The following KLHL2 variants were observed in gnomAD, a reference collection of about 807,000 sequenced individuals.
The protein encoded by KLHL2 is kelch like family member 2.
A neutral mutation model predicts 75.8 loss-of-function variants in KLHL2; 15 were observed. The ratio of observed to expected loss-of-function variants is 0.20; its 90% CI spans 0.13 to 0.30. The LOEUF is 0.30. KLHL2 is among the 10% of genes least tolerant of loss of function. KLHL2 has a pLI of 1.00. For missense variants in KLHL2, 381 were observed against 741.0 expected, an observed-to-expected ratio of 0.51 and a Z score of 5.64; for synonymous variants, 214 against 251.9, an observed-to-expected ratio of 0.85 and a Z score of 1.42.
chr4:165,208,859 G>A (rs528112403), intron 1 of KLHL2, among the ~76,000 whole-genome samples: 2 of 152,218 alleles, frequency 1.3e-5, no homozygotes, highest in South Asian at 2.1e-4. Context: ...GAGGCTTGTC[G>A]TTCTCCGGTC....
intron 4 of KLHL2, among the ~76,000 whole-genome samples, chr4:165,248,047 C>T (rs1036335283): frequency 3.9e-5 from 6 of 152,266 alleles, no homozygotes; most frequent in South Asian, 2.1e-4. Context: ...TTTATTCTTA[C>T]GGATTTGCAG....
At chr4:165,274,934 TTC>T (rs148239192) in intron 5 of KLHL2, among the ~76,000 whole-genome samples, 30,473 of 151,972 alleles carry the variant, frequency 0.2, 3,715 homozygotes, top group Non-Finnish European at 0.29. Flanking sequence ...CTCTCGTGGC[TTC>T]AGCAGCGTGG....
intron 5 of KLHL2, among the ~76,000 whole-genome samples, chr4:165,266,994 T>G (rs1396906122): frequency 1.3e-5 from 2 of 152,018 alleles, no homozygotes; most frequent in East Asian, 1.9e-4. Context: ...CTTTTATTTT[T>G]TTGAGCAGTG....
intron 3 of KLHL2, among the ~76,000 whole-genome samples, chr4:165,234,511 C>A (rs564432334): frequency 3.5e-4 from 53 of 151,198 alleles, no homozygotes; most frequent in Non-Finnish European, 6.5e-4. Flanking sequence ...AACCTATTCA[C>A]TTTTCATTTA....
At chr4:165,252,146 G>A (rs1193535800) in intron 4 of KLHL2, among the ~76,000 whole-genome samples, 1 of 152,154 alleles carries the variant, frequency 6.6e-6, no homozygotes. Flanking sequence ...TCTTATAACA[G>A]CATCTTTGTA....
intron 4 of KLHL2, among the ~76,000 whole-genome samples, chr4:165,257,877 C>A (rs1296632943): frequency 6.6e-6 from 1 of 151,748 alleles, no homozygotes; most frequent in East Asian, 1.9e-4. Flanking sequence ...TACATAACAT[C>A]AGTGCTGACA....
At chr4:165,221,057 C>T (rs1389349812) in intron 2 of KLHL2, among the ~76,000 whole-genome samples, 1 of 152,220 alleles carries the variant, frequency 6.6e-6, no homozygotes, top group Non-Finnish European at 1.5e-5. Flanking sequence ...TCTTTCTGTG[C>T]TGCCTAAAAG....
Position 165,303,838 on chromosome 4 carries a change from A to C in KLHL2, c.922-1770A>C, listed in dbSNP as rs533743357. On this transcript the variant is annotated intron_variant, in intron 8 of 14. Coordinates refer to ENST00000226725, the MANE Select transcript of KLHL2 (RefSeq NM_007246.4). ...ACTGGCCTCCCAAAGTGCTGGGATT[A>C]CAGGAGTGAGCCACCGTGCCTGGCC... 5.3e-5 allele frequency among the ~76,000 whole-genome samples: 8 copies of C among 152,228 alleles called. No homozygotes were observed. In the South Asian group the frequency reaches 1.7e-3, roughly 32 times the overall value.
Position 165,320,310 on chromosome 4 carries a change from A to G in KLHL2, c.1754-1722A>G, listed in dbSNP as rs117285518. Among the ~76,000 whole-genome samples the G allele has an allele frequency of 5.0e-3, 767 of 152,350 alleles. 6 individuals are homozygous for G. Among genetic ancestry groups the G allele is most frequent in the East Asian group, 0.033 (173 of 5,180 alleles). ...AACCCCCAATCCTTGAAGGGAAAAT[A>G]TAAATACCAGCTGCCAGTCTTTTGA... On this transcript the variant is annotated intron_variant, in intron 14 of 14. Transcript: ENST00000226725.
At chr4:165,301,184 A>G (rs1745323547) in intron 8 of KLHL2, among the ~76,000 whole-genome samples, 1 of 152,232 alleles carries the variant, frequency 6.6e-6, no homozygotes, top group African/African-American at 2.4e-5. Flanking sequence ...GTAGTTTGGC[A>G]TATAACATCT....
chr4:165,314,165 A>G lies in KLHL2; in HGVS notation c.1608A>G (p.Ala536=). ...VADMNMCRRN[A]GVCAVNGLLY... is the part of the protein sequence containing the mutation. The stretch of plus-strand genomic sequence containing the variant: ...ATATGAACATGTGCAGAAGAAATGC[A>G]GGTATCTGTCAGTTTAAGGTTATAA... Residue 536 remains alanine, a splice_region_variant and synonymous_variant, in exon 13 of 15, where the codon GCA becomes GCG. Transcript: ENST00000226725. 1.2e-6 allele frequency: 2 copies of G among 1,611,742 alleles called. No individual in the cohort carries two copies. The highest frequency in any genetic ancestry group is 8.5e-7 in the Non-Finnish European group (1 of 1,178,934).
At chr4:165,210,619 G>A (rs1404257163) in intron 1 of KLHL2, among the ~76,000 whole-genome samples, 1 of 152,166 alleles carries the variant, frequency 6.6e-6, no homozygotes, top group Non-Finnish European at 1.5e-5. Flanking sequence ...TGAAAGATGT[G>A]TAACTAAAAG....
intron 3 of KLHL2, among the ~76,000 whole-genome samples, chr4:165,237,488 G>A (rs918568755): frequency 7.9e-5 from 12 of 151,216 alleles, no homozygotes; most frequent in African/African-American, 2.7e-4. Flanking sequence ...TTCTTTCTGA[G>A]ATCTTGTCAA....
intron 11 of KLHL2, 50 bp from the exon 12 acceptor site, chr4:165,313,188 G>C (rs773702507): frequency 2.3e-5 from 36 of 1,573,902 alleles, no homozygotes; most frequent in Non-Finnish European, 3.0e-5. Context: ...AGTGTTTTTT[G>C]TTTGTTTGTT....
chr4:165,290,510 A>G (rs1230914991), intron 5 of KLHL2, among the ~76,000 whole-genome samples: 3 of 152,166 alleles, frequency 2.0e-5, no homozygotes, highest in Non-Finnish European at 2.9e-5. Context: ...TCTTTAAAAA[A>G]CAAACTCAAC....
Position 165,319,661 on chromosome 4 carries a change from G to A in KLHL2, c.1753+1692G>A, listed in dbSNP as rs1412697709. On this transcript the variant is annotated intron_variant, in intron 14 of 14. Coordinates refer to ENST00000226725, the MANE Select transcript of KLHL2 (RefSeq NM_007246.4). The surrounding 1 kb of genome is among the most constrained non-coding windows in gnomAD (Gnocchi z 4.5). ...TTTGAGACAGAATCTCACTCTTGTC[G>A]CCCAGGCTGGAGTGCAACAGCGTGA... Among the ~76,000 whole-genome samples, 1 of 151,804 alleles carries A rather than the reference G, an allele frequency of 6.6e-6. No homozygotes were observed. Among genetic ancestry groups the A allele is most frequent in the Non-Finnish European group, 1.5e-5 (1 of 67,978 alleles).
At chr4:165,286,281 A>G (rs1744086617) in intron 5 of KLHL2, among the ~76,000 whole-genome samples, 1 of 152,274 alleles carries the variant, frequency 6.6e-6, no homozygotes, top group South Asian at 2.1e-4. Context: ...TGTCTTGTTT[A>G]AAAGAGCCAT....
intron 5 of KLHL2, 120 bp from the exon 6 acceptor site, chr4:165,294,239 G>A: frequency 1.6e-6 from 1 of 608,904 alleles, no homozygotes; most frequent in Non-Finnish European, 2.9e-6. Context: ...GCCTGGAGGT[G>A]TGCAATTGGT....
intron 11 of KLHL2, 50 bp from the exon 12 acceptor site, chr4:165,313,187 TG>T: frequency 6.3e-7 from 1 of 1,575,818 alleles, no homozygotes; most frequent in South Asian, 1.2e-5. Flanking sequence ...TAGTGTTTTT[TG>T]TTTGTTTGTT....
Sources: allele counts gnomAD v4.1 joint callset (sites outside exome capture counted in the v4.1 genomes callset), GRCh38; gene constraint gnomAD v4.1.1; non-coding constraint Gnocchi (gnomAD v3.1); transcripts MANE v1.5; gene names NCBI Gene and HGNC (gene_info 2026-07-23, HGNC 2026-07-21).